The following CSMD1 variants were observed in gnomAD, a reference collection of about 807,000 sequenced individuals.
CSMD1 encodes the protein CUB and sushi domain-containing protein 1.
CSMD1 carries 213 observed loss-of-function variants against 417.5 expected under a neutral mutation model. The ratio of observed to expected loss-of-function variants is 0.51; its 90% confidence interval spans 0.46 to 0.57. The LOEUF (loss-of-function observed/expected upper bound fraction) is 0.57. Among genes scored for constraint, CSMD1 ranks in the 20% least tolerant of loss-of-function variants. The probability of loss-of-function intolerance (pLI) is 0.00; values close to 1 mark genes in which losing one functional copy is unlikely to be tolerated. For synonymous variants in CSMD1, 2,862 were observed against 1,736.8 expected, an observed-to-expected ratio of 1.65 and a Z score of -16.11; for missense variants, 6,923 against 4,529.7, an observed-to-expected ratio of 1.53 and a Z score of -15.17.
At chr8:4,326,923 C>G (rs1050970343) in intron 3 of CSMD1, among the ~76,000 whole-genome samples, 1 of 152,018 alleles carries the variant, frequency 6.6e-6, no homozygotes, top group Admixed American at 6.6e-5. Flanking sequence ...AGTTAGGAGC[C>G]ATAATCTCAA....
chr8:3,499,700 C>T (rs764509417), intron 10 of CSMD1, among the ~76,000 whole-genome samples: 8 of 151,936 alleles, frequency 5.3e-5, no homozygotes, highest in Non-Finnish European at 1.0e-4. Flanking sequence ...TAGGGTACTT[C>T]ATGGTCTTGA....
chr8:4,852,111 G>A (rs868714791), intron 1 of CSMD1, among the ~76,000 whole-genome samples: 4 of 152,138 alleles, frequency 2.6e-5, no homozygotes, highest in Non-Finnish European at 5.9e-5. Flanking sequence ...TTGTGAAACT[G>A]CTATTTTCTC....
At chr8:2,953,421 T>C (rs572397787) in intron 65 of CSMD1, among the ~76,000 whole-genome samples, 1 of 148,378 alleles carries the variant, frequency 6.7e-6, no homozygotes, top group South Asian at 2.1e-4. Flanking sequence ...AAATACTCTT[T>C]CCATGTTTGA....
At chr8:3,947,554 C>G (rs1350375973) in intron 5 of CSMD1, among the ~76,000 whole-genome samples, 1 of 152,082 alleles carries the variant, frequency 6.6e-6, no homozygotes, top group Non-Finnish European at 1.5e-5. Context: ...GGGAAAGCTC[C>G]TTATATTTGG....
intron 3 of CSMD1, among the ~76,000 whole-genome samples, chr8:4,077,965 G>T (rs13264979): frequency 6.6e-6 from 1 of 151,974 alleles, no homozygotes; most frequent in Non-Finnish European, 1.5e-5. Flanking sequence ...CTGCATGTGT[G>T]TCCCCAGGCT....
At chr8:4,316,426 G>C (rs929480081) in intron 3 of CSMD1, among the ~76,000 whole-genome samples, 3 of 152,084 alleles carry the variant, frequency 2.0e-5, no homozygotes, top group Admixed American at 6.6e-5. Flanking sequence ...TCATATATTA[G>C]GTTGATGTGA....
chr8:3,534,233 A>T (rs1276408106), intron 10 of CSMD1, among the ~76,000 whole-genome samples: 1 of 152,182 alleles, frequency 6.6e-6, no homozygotes, highest in Non-Finnish European at 1.5e-5. Context: ...GGTAGTCCAG[A>T]AGATCTGCAT....
chr8:4,020,567 A>C (rs1263819230), intron 4 of CSMD1, among the ~76,000 whole-genome samples: 2 of 152,150 alleles, frequency 1.3e-5, no homozygotes, highest in African/African-American at 4.8e-5. Flanking sequence ...CAAGATGGAG[A>C]AGTCTGAGAA....
At position 4,486,012 on chromosome 8, in the gene CSMD1, A is replaced by G. The variant is rs76240335; in HGVS notation, c.303-65947T>C. On this transcript the variant is annotated intron_variant, in intron 2 of 69. Coordinates refer to ENST00000635120, the MANE Select transcript of CSMD1 (RefSeq NM_033225.6). ...TGTGAATCCCTCCTTATGTAATAGC[A>G]ATTATTTTTTTCTAGCAATCCTGAC... Among the ~76,000 whole-genome samples, 412 of 151,570 alleles carry G rather than the reference A, an allele frequency of 2.7e-3. 3 individuals are homozygous for G. Among genetic ancestry groups the G allele is most frequent in the African/African-American group, 9.6e-3 (396 of 41,282 alleles).
chr8:4,816,522 G>A (rs149846099), intron 1 of CSMD1, among the ~76,000 whole-genome samples: 19 of 152,138 alleles, frequency 1.2e-4, no homozygotes, highest in Middle Eastern at 3.4e-3. Context: ...GCCACCATGC[G>A]CAGCCAAATC....
intron 2 of CSMD1, among the ~76,000 whole-genome samples, chr8:4,620,073 A>C (rs554506321): frequency 6.6e-6 from 1 of 152,148 alleles, no homozygotes; most frequent in Middle Eastern, 3.6e-3. Flanking sequence ...TTAACACAAT[A>C]AATACTGCTA....
At chr8:3,902,952 C>A (rs946811470) in intron 5 of CSMD1, among the ~76,000 whole-genome samples, 1 of 152,192 alleles carries the variant, frequency 6.6e-6, no homozygotes, top group Admixed American at 6.5e-5. Flanking sequence ...CCTCCCTGAA[C>A]TCAGTAGACT....
At chr8:4,284,144 G>A (rs563960946) in intron 3 of CSMD1, among the ~76,000 whole-genome samples, 4 of 152,152 alleles carry the variant, frequency 2.6e-5, no homozygotes, top group South Asian at 2.1e-4. Context: ...GAGAAGGGTG[G>A]ATCACCTGAG....
chr8:4,092,116 T>C (rs990953445), intron 3 of CSMD1, among the ~76,000 whole-genome samples: 1 of 152,314 alleles, frequency 6.6e-6, no homozygotes, highest in African/African-American at 2.4e-5. Context: ...CTTAGAGAAA[T>C]ACTTTCTCCT....
chr8:4,608,677 C>T (rs1323449020), intron 2 of CSMD1, among the ~76,000 whole-genome samples: 1 of 152,112 alleles, frequency 6.6e-6, no homozygotes, highest in Non-Finnish European at 1.5e-5. Flanking sequence ...TCCTAAAGTC[C>T]TCTTTGTGGG....
At chr8:3,744,344 T>G (rs1433763234) in intron 6 of CSMD1, among the ~76,000 whole-genome samples, 1 of 152,024 alleles carries the variant, frequency 6.6e-6, no homozygotes. Flanking sequence ...CCTGTGGGCT[T>G]CCACTGATTA....
At chr8:3,963,954 C>G (rs531935610) in intron 5 of CSMD1, among the ~76,000 whole-genome samples, 1 of 152,122 alleles carries the variant, frequency 6.6e-6, no homozygotes, top group Non-Finnish European at 1.5e-5. Context: ...AGAAAAAGTT[C>G]GTTGGATTTA....
intron 2 of CSMD1, among the ~76,000 whole-genome samples, chr8:4,431,284 T>G (rs758035519): frequency 2.6e-5 from 4 of 152,208 alleles, no homozygotes; most frequent in Non-Finnish European, 5.9e-5. Context: ...AAATTTATTT[T>G]ATCATATCTC....
chr8:4,668,378 G>A (rs1022770209), intron 1 of CSMD1, among the ~76,000 whole-genome samples: 2 of 150,674 alleles, frequency 1.3e-5, no homozygotes, highest in African/African-American at 4.9e-5. Flanking sequence ...TCTAGCCACT[G>A]CCACACACAG....
Sources: allele counts gnomAD v4.1 joint callset (sites outside exome capture counted in the v4.1 genomes callset), GRCh38; gene constraint gnomAD v4.1.1; transcripts MANE v1.5; gene names NCBI Gene and HGNC (gene_info 2026-07-23, HGNC 2026-07-21).